The following WDR64 variants were observed in gnomAD, a reference collection of about 807,000 sequenced individuals.
The protein encoded by WDR64 is WD repeat-containing protein 64.
In WDR64, 112 loss-of-function variants were observed where a neutral mutation model predicts 139.3. The ratio of observed to expected loss-of-function variants is 0.80; its 90% confidence interval spans 0.69 to 0.94. WDR64 has a LOEUF of 0.94. WDR64 is among the 40% of genes least tolerant of loss of function. The probability of loss-of-function intolerance (pLI) is 0.00; values close to 1 mark genes in which losing one functional copy is unlikely to be tolerated. For missense variants in WDR64, 1,206 were observed against 1,293.1 expected, an observed-to-expected ratio of 0.93 and a Z score of 1.03; for synonymous variants, 444 against 437.7, an observed-to-expected ratio of 1.01 and a Z score of -0.18.
At chr1:241,677,662 A>C (rs138389391) in intron 4 of WDR64, among the ~76,000 whole-genome samples, 70 of 152,340 alleles carry the variant, frequency 4.6e-4, no homozygotes, top group African/African-American at 1.4e-3. Flanking sequence ...TACCCAATGC[A>C]TGATATTCAC....
At chr1:241,708,921 C>T (rs371089384) in intron 8 of WDR64, among the ~76,000 whole-genome samples, 11 of 152,028 alleles carry the variant, frequency 7.2e-5, no homozygotes, top group Admixed American at 6.6e-4. Context: ...CTTGAGCATT[C>T]TGACCTAGGT....
intron 8 of WDR64, among the ~76,000 whole-genome samples, chr1:241,706,369 C>T (rs1352820856): frequency 1.3e-5 from 2 of 152,208 alleles, no homozygotes; most frequent in Non-Finnish European, 2.9e-5. Flanking sequence ...GGCGAGGTGA[C>T]AAGATAAGAC....
Position 241,687,747 on chromosome 1 carries a change from A to C in WDR64, c.974+152A>C, listed in dbSNP as rs763580035. ...TTTGGGAAGGTTAATTAGATTTCTC[A>C]GGAAGAAATTGAAGCCACTTATGCA... On this transcript the variant is annotated intron_variant, in intron 8 of 27. Transcript: ENST00000437684. 282 of 847,838 alleles carry C rather than the reference A, an allele frequency of 3.3e-4. 1 individual carries two copies. Among genetic ancestry groups the C allele is most frequent in the Non-Finnish European group, 4.6e-4 (263 of 569,326 alleles). The allele number at this position is 847,838 out of a possible 1,614,324, so 52.5% of individuals were successfully genotyped here.
intron 4 of WDR64, 50 bp from the exon 5 acceptor site, chr1:241,678,136 CT>C: frequency 2.5e-6 from 1 of 398,762 alleles, no homozygotes; most frequent in Non-Finnish European, 4.4e-6. Flanking sequence ...GCATTCTCAT[CT>C]TTAATGGTAG....
At chr1:241,668,801 C>A (rs79310779) in intron 2 of WDR64, among the ~76,000 whole-genome samples, 1 of 151,598 alleles carries the variant, frequency 6.6e-6, no homozygotes, top group Admixed American at 6.6e-5. Flanking sequence ...TCCAGCTACT[C>A]GGGCAGGAGA....
rs753582857 is a variant in WDR64, at chr1:241,711,822, T to A, written c.995T>A (p.Met332Lys). ...EDNLPVREFS[M>K]PRGANTFCYC... ...TCCAGGCCTGTCAGAGAGTTTTCCA[T>A]GCCAAGAGGAGCCAACACTTTTTGC... is the stretch of plus-strand genomic sequence containing the variant. Residue 332 changes from methionine to lysine, a missense_variant, in exon 9 of 28, where the codon ATG (methionine) becomes AAG (lysine). Coordinates refer to ENST00000437684, the MANE Select transcript of WDR64 (RefSeq NM_001367482.1). The A allele has an allele frequency of 6.2e-7, 1 of 1,614,074 alleles. No individual in the cohort carries two copies. The highest frequency in any genetic ancestry group is 8.5e-7 in the Non-Finnish European group (1 of 1,180,034).
intron 13 of WDR64, among the ~76,000 whole-genome samples, chr1:241,745,011 C>T (rs926856724): frequency 6.6e-6 from 1 of 152,182 alleles, no homozygotes; most frequent in African/African-American, 2.4e-5. Context: ...CCATGCCAAA[C>T]TTGAGAGGAT....
chr1:241,681,833 G>A (rs1260002404), intron 6 of WDR64, among the ~76,000 whole-genome samples: 2 of 152,094 alleles, frequency 1.3e-5, no homozygotes, highest in Non-Finnish European at 2.9e-5. Context: ...GAGTAAGATG[G>A]TATCATATTG....
intron 18 of WDR64, 137 bp from the exon 19 acceptor site, chr1:241,771,524 A>G: frequency 2.1e-6 from 1 of 485,642 alleles, no homozygotes; most frequent in Non-Finnish European, 3.2e-6. Flanking sequence ...CATTTTTTTC[A>G]AAAAAAAATT....
intron 21 of WDR64, among the ~76,000 whole-genome samples, chr1:241,776,452 T>C (rs1658657378): frequency 6.6e-6 from 1 of 152,240 alleles, no homozygotes; most frequent in South Asian, 2.1e-4. Flanking sequence ...ACCTTATTGA[T>C]AATAATTGTC....
At chr1:241,710,028 T>A (rs1389784460) in intron 8 of WDR64, among the ~76,000 whole-genome samples, 3 of 150,860 alleles carry the variant, frequency 2.0e-5, no homozygotes, top group Admixed American at 6.6e-5. Flanking sequence ...ATGAACAGAA[T>A]GGTATATGCT....
chr1:241,774,240 G>A (rs1467766254), intron 20 of WDR64, among the ~76,000 whole-genome samples: 1 of 152,182 alleles, frequency 6.6e-6, no homozygotes, highest in Non-Finnish European at 1.5e-5. Flanking sequence ...ACACGGAACC[G>A]CATGGCTTTC....
intron 11 of WDR64, among the ~76,000 whole-genome samples, chr1:241,740,585 T>C (rs1669498496): frequency 6.6e-6 from 1 of 152,046 alleles, no homozygotes; most frequent in Admixed American, 6.6e-5. Flanking sequence ...ATTAACTTAA[T>C]CTTTACATCG....
intron 20 of WDR64, 101 bp downstream of exon 20, chr1:241,773,032 T>C: frequency 1.5e-6 from 2 of 1,338,642 alleles, no homozygotes; most frequent in Non-Finnish European, 2.0e-6. Flanking sequence ...CCAATTATAA[T>C]ATTTTTTCAA....
chr1:241,679,909 C>T (rs1328808955), intron 6 of WDR64, among the ~76,000 whole-genome samples: 5 of 152,116 alleles, frequency 3.3e-5, no homozygotes, highest in African/African-American at 1.2e-4. Context: ...TTATCAAGTT[C>T]AAGTCTTTTC....
intron 10 of WDR64, among the ~76,000 whole-genome samples, chr1:241,729,419 C>T (rs572265991): frequency 6.6e-6 from 1 of 152,292 alleles, no homozygotes; most frequent in South Asian, 2.1e-4. Context: ...ATTCAAAGGC[C>T]CCTCATGCCT....
intron 23 of WDR64, among the ~76,000 whole-genome samples, chr1:241,784,261 A>C (rs2148320028): frequency 6.6e-6 from 1 of 152,248 alleles, no homozygotes; most frequent in East Asian, 1.9e-4. Context: ...GACCTGATTT[A>C]TATTTTTGGA....
At chr1:241,745,598 C>T (rs773615745) in intron 13 of WDR64, among the ~76,000 whole-genome samples, 3 of 145,402 alleles carry the variant, frequency 2.1e-5, no homozygotes, top group Non-Finnish European at 4.4e-5. Context: ...CTCAAAGGTA[C>T]ATACGTTAAA....
chr1:241,773,001 TAGTG>T, intron 20 of WDR64, 70 bp downstream of exon 20: 1 of 1,475,426 alleles, frequency 6.8e-7, no homozygotes, highest in Non-Finnish European at 9.0e-7. Context: ...AAATGAATCT[TAGTG>T]TTCTTCCATA....
Sources: allele counts gnomAD v4.1 joint callset (sites outside exome capture counted in the v4.1 genomes callset), GRCh38; gene constraint gnomAD v4.1.1; transcripts MANE v1.5; gene names NCBI Gene and HGNC (gene_info 2026-07-23, HGNC 2026-07-21).